VSTM5: variants seen among roughly 807,000 people sequenced by gnomAD.
VSTM5 encodes the protein V-set and transmembrane domain-containing protein 5.
In VSTM5, 21 loss-of-function variants were observed where a neutral mutation model predicts 20.3. The ratio of observed to expected loss-of-function variants is 1.03; its 90% CI spans 0.73 to 1.49. VSTM5 has a LOEUF of 1.49. VSTM5 is among the 40% of genes most tolerant of loss of function. The pLI, the probability that VSTM5 is intolerant of heterozygous loss-of-function variation, is 0.00. For synonymous variants in VSTM5, 100 were observed against 102.5 expected, an observed-to-expected ratio of 0.98 and a Z score of 0.14; for missense variants, 219 against 250.0, an observed-to-expected ratio of 0.88 and a Z score of 0.84.
intron 1 of VSTM5, among the ~76,000 whole-genome samples, chr11:93,832,349 TAC>T (rs1402515199): frequency 1.3e-5 from 2 of 152,208 alleles, no homozygotes; most frequent in African/African-American, 4.8e-5. Context: ...TATATGTGTA[TAC>T]ACACACAGTC....
intron 1 of VSTM5, among the ~76,000 whole-genome samples, chr11:93,835,135 A>G (rs1186340508): frequency 1.3e-5 from 2 of 152,114 alleles, no homozygotes; most frequent in African/African-American, 2.4e-5. Context: ...TAAGAAGTAA[A>G]TTCTTATGGC....
At chr11:93,831,285 T>G (rs558619087) in intron 1 of VSTM5, among the ~76,000 whole-genome samples, 25 of 152,112 alleles carry the variant, frequency 1.6e-4, no homozygotes, top group Middle Eastern at 3.4e-3. Flanking sequence ...CACCTCAACC[T>G]CCCCAAGTGC....
At position 93,819,161 on chromosome 11, in the gene VSTM5, G is replaced by A. The variant is rs1288018276; in HGVS notation, c.*1408C>T. 1 of 152,288 alleles carries A rather than the reference G, an allele frequency of 6.6e-6. No individual in the cohort carries two copies. Among genetic ancestry groups the A allele is most frequent in the Non-Finnish European group, 1.5e-5 (1 of 68,090 alleles). The allele number at this position is 152,288 out of a possible 1,614,324, so 9.4% of individuals were successfully genotyped here. A position where few individuals can be genotyped will look rare whatever the true frequency, so the allele number is the denominator to read the frequency against. On this transcript the variant is annotated 3_prime_UTR_variant, in exon 4 of 4. Transcript: ENST00000409977. ...TATGGACATTGGAGGCCTGAAAGGA[G>A]GAAGAAGAGAAAGGAATGTTCTAAG...
intron 1 of VSTM5, among the ~76,000 whole-genome samples, chr11:93,834,662 A>T (rs1944309234): frequency 6.6e-6 from 1 of 151,906 alleles, no homozygotes; most frequent in African/African-American, 2.4e-5. Flanking sequence ...GTGCACCTGT[A>T]GTCCCAGCTA....
intron 1 of VSTM5, among the ~76,000 whole-genome samples, chr11:93,837,363 A>G (rs629580): frequency 0.97 from 148,234 of 152,192 alleles, 72,238 homozygotes; most frequent in East Asian, 1. Flanking sequence ...CCGTCTAAAC[A>G]TCCCTGTATC....
At chr11:93,824,254 ATAATAGCTATATCAATTTAC>A (rs1944215054) in intron 1 of VSTM5, among the ~76,000 whole-genome samples, 1 of 152,012 alleles carries the variant, frequency 6.6e-6, no homozygotes, top group African/African-American at 2.4e-5. Context: ...TACTTTTTTC[ATAATAGCTATATCAATTTAC>A]ATTCCCACCG....
chr11:93,828,277 C>A (rs1220172215), intron 1 of VSTM5, among the ~76,000 whole-genome samples: 2 of 152,166 alleles, frequency 1.3e-5, no homozygotes, highest in Non-Finnish European at 2.9e-5. Flanking sequence ...GTCACTGGAA[C>A]CTGAACCAAA....
chr11:93,849,226 G>A (rs56360746), intron 1 of VSTM5, among the ~76,000 whole-genome samples: 31,416 of 152,108 alleles, frequency 0.21, 4,135 homozygotes, highest in East Asian at 0.34. Flanking sequence ...GCTCACTGAA[G>A]CCTCAATCTC....
intron 1 of VSTM5, among the ~76,000 whole-genome samples, chr11:93,849,106 A>G (rs1279621757): frequency 6.6e-6 from 1 of 152,140 alleles, no homozygotes; most frequent in African/African-American, 2.4e-5. Flanking sequence ...GTCACCTTGT[A>G]TAAGTTAACA....
intron 1 of VSTM5, among the ~76,000 whole-genome samples, chr11:93,840,203 G>A (rs1051685270): frequency 6.6e-6 from 1 of 152,140 alleles, no homozygotes; most frequent in African/African-American, 2.4e-5. Flanking sequence ...AGAAATAATT[G>A]TCCTCAGTTT....
At chr11:93,839,186 G>C (rs1274631497) in intron 1 of VSTM5, among the ~76,000 whole-genome samples, 1 of 152,228 alleles carries the variant, frequency 6.6e-6, no homozygotes, top group African/African-American at 2.4e-5. Flanking sequence ...GGGCCTCTTA[G>C]ACCCTGTGGT....
intron 1 of VSTM5, among the ~76,000 whole-genome samples, chr11:93,835,765 C>T (rs1944318316): frequency 6.6e-6 from 1 of 152,284 alleles, no homozygotes; most frequent in South Asian, 2.1e-4. Flanking sequence ...TAAATGCACA[C>T]AGAATTGAGT....
chr11:93,848,563 C>T (rs896959265), intron 1 of VSTM5, among the ~76,000 whole-genome samples: 2 of 152,176 alleles, frequency 1.3e-5, no homozygotes, highest in African/African-American at 2.4e-5. Flanking sequence ...CAGGTATGGG[C>T]AGGTGGGGCT....
In VSTM5 at chr11:93,821,125, A is replaced by G. The variant is rs377627514; in HGVS notation, c.290T>C (p.Val97Ala). ...ANISQSHKDR[V>A]CTFDNGSIQL... is the part of the protein sequence containing the mutation. ...GATGGAGCCGTTGTCAAAGGTGCAG[A>G]CTCTGTCCTTGTGGCTTTGAGAGAT... Residue 97 changes from valine (V) to alanine (A), a missense_variant, in exon 2 of 4, where the codon GTC (valine) becomes GCC (alanine). Val to Ala is a moderately conservative substitution (Grantham distance 64). Coordinates refer to ENST00000409977, the MANE Select transcript of VSTM5 (RefSeq NM_001144871.2). 31 of 1,551,498 alleles carry G rather than the reference A, an allele frequency of 2.0e-5. No homozygotes were observed. The African/African-American group carries it at 3.8e-4, about 19-fold the overall frequency.
chr11:93,822,252 T>G (rs755051792), intron 1 of VSTM5, among the ~76,000 whole-genome samples: 3 of 152,002 alleles, frequency 2.0e-5, no homozygotes, highest in Non-Finnish European at 2.9e-5. Context: ...TGGCTAACTT[T>G]TTGTATTTTT....
At position 93,828,431 on chromosome 11, in the gene VSTM5, C is replaced by T. The variant is rs192692398; in HGVS notation, c.92-7108G>A. 2.6e-5 allele frequency among the ~76,000 whole-genome samples: 4 copies of T among 152,300 alleles called. No individual in the cohort carries two copies. In the East Asian group the frequency reaches 7.7e-4, roughly 29 times the overall value. On this transcript the variant is annotated intron_variant, in intron 1 of 3. Coordinates refer to ENST00000409977, the MANE Select transcript of VSTM5 (RefSeq NM_001144871.2). ...ATAACACTCAGAAGGGTTACTTACTCCTTTTCTTACAAATAAATTACAAAG... is the reference window on the plus strand; with the variant it reads ...ATAACACTCAGAAGGGTTACTTACTTCTTTTCTTACAAATAAATTACAAAG...
intron 1 of VSTM5, among the ~76,000 whole-genome samples, chr11:93,830,184 G>C (rs983878497): frequency 1.3e-5 from 2 of 152,156 alleles, no homozygotes; most frequent in African/African-American, 4.8e-5. Flanking sequence ...CAGGACCCAC[G>C]AGGATGTTCA....
At position 93,820,071 on chromosome 11, in the gene VSTM5, C is replaced by G. The variant is rs61904959; in HGVS notation, c.*498G>C. On this transcript the variant is annotated 3_prime_UTR_variant, in exon 4 of 4. Coordinates refer to ENST00000409977, the MANE Select transcript of VSTM5 (RefSeq NM_001144871.2). ...TGTCTAAAAGCCTCAGGTTTTCTCA[C>G]AATAGCTCCCACAGCAGTGCTTGCT... The G allele has an allele frequency of 3.7e-4, 61 of 166,610 alleles. No individual in the cohort carries two copies. Among genetic ancestry groups the G allele is most frequent in the Non-Finnish European group, 7.1e-4 (55 of 77,512 alleles). 10.3% of individuals were successfully genotyped at this position (166,610 alleles called of 1,614,324 possible).
At chr11:93,828,558 T>C (rs1944256052) in intron 1 of VSTM5, among the ~76,000 whole-genome samples, 1 of 152,218 alleles carries the variant, frequency 6.6e-6, no homozygotes, top group African/African-American at 2.4e-5. Context: ...ATTACATCTG[T>C]TGAGATGGCA....
Sources: gnomAD v4.1 joint callset for allele counts (sites outside exome capture counted in the v4.1 genomes callset) on GRCh38, gnomAD v4.1.1 for gene constraint, MANE v1.5 for transcripts, NCBI Gene and HGNC (gene_info 2026-07-23, HGNC 2026-07-21) for gene names.